Variants in TNFRSF10D observed in about 807,000 individuals in gnomAD.
The protein encoded by TNFRSF10D is TNF receptor superfamily member 10d, also known as tumor necrosis factor receptor superfamily member 10D.
In TNFRSF10D, 28 loss-of-function variants were observed where a neutral mutation model predicts 42.1. The ratio of observed to expected loss-of-function variants is 0.66; its 90% CI spans 0.49 to 0.91. The LOEUF (loss-of-function observed/expected upper bound fraction) is 0.91. Ranked by LOEUF, TNFRSF10D falls within the 40% of genes least tolerant of loss-of-function variation. TNFRSF10D has a pLI of 0.00. For synonymous variants in TNFRSF10D, 186 were observed against 189.4 expected, an observed-to-expected ratio of 0.98 and a Z score of 0.15; for missense variants, 503 against 486.1, an observed-to-expected ratio of 1.03 and a Z score of -0.33.
intron 7 of TNFRSF10D, among the ~76,000 whole-genome samples, chr8:23,139,287 T>C (rs1273469415): frequency 6.6e-6 from 1 of 152,154 alleles, no homozygotes; most frequent in African/African-American, 2.4e-5. Flanking sequence ...TGACACCAAA[T>C]GTTATCTCCT....
At chr8:23,142,807 T>C (rs888287992) in intron 7 of TNFRSF10D, among the ~76,000 whole-genome samples, 4 of 152,208 alleles carry the variant, frequency 2.6e-5, no homozygotes, top group Admixed American at 2.0e-4. Context: ...ATCCCTGTAA[T>C]GTAAACAAAA....
Position 23,163,813 on chromosome 8 carries a change from G to A in TNFRSF10D, c.123C>T (p.Val41=). The part of the protein sequence containing the change: ...WLLDPKILKF[V]VFIVAVLLPV... ...GCAGCAGAACCGCGACGATGAAGACGACGAACTTAAGGATCTTGGGGTCCA... is the reference window on the plus strand; with the variant it reads ...GCAGCAGAACCGCGACGATGAAGACAACGAACTTAAGGATCTTGGGGTCCA... The change falls in exon 1 of 9, where the codon GTC becomes GTT. Residue 41 remains valine (V), a synonymous_variant. Transcript: ENST00000312584. 1 of 1,609,584 alleles carries A rather than the reference G, an allele frequency of 6.2e-7. No homozygotes were observed. The highest frequency in any genetic ancestry group is 8.5e-7 in the Non-Finnish European group (1 of 1,178,614).
At chr8:23,150,326 C>A (rs978313934) in intron 2 of TNFRSF10D, among the ~76,000 whole-genome samples, 2 of 152,230 alleles carry the variant, frequency 1.3e-5, no homozygotes, top group African/African-American at 4.8e-5. Context: ...CAGGTCACCT[C>A]TCTGGATACT....
At position 23,163,942 on chromosome 8, in the gene TNFRSF10D, G is replaced by A; in HGVS notation, c.-7C>T. On this transcript the variant is annotated 5_prime_UTR_variant, in exon 1 of 9. Coordinates refer to ENST00000312584, the MANE Select transcript of TNFRSF10D (RefSeq NM_003840.5). ...TTTGTCCCCAAAGTCCCATGAGAAG[G>A]GAGGAGGGTGGATCGAAAGCGCCAA... 3 of 1,544,234 alleles carry A rather than the reference G, an allele frequency of 1.9e-6. No individual in the cohort carries two copies. The highest frequency in any genetic ancestry group is 1.4e-5 in the African/African-American group (1 of 69,058).
intron 7 of TNFRSF10D, among the ~76,000 whole-genome samples, chr8:23,140,181 G>A (rs1176104963): frequency 6.6e-6 from 1 of 152,056 alleles, no homozygotes; most frequent in Non-Finnish European, 1.5e-5. Flanking sequence ...CCCAGCTGCT[G>A]GGGAGGCTGA....
chr8:23,148,981 G>C (rs572807195), intron 2 of TNFRSF10D, among the ~76,000 whole-genome samples: 41 of 151,616 alleles, frequency 2.7e-4, no homozygotes, highest in East Asian at 1.4e-3. Context: ...ACGAGGTCAG[G>C]AGATCGAGAC....
rs1458290853 is a variant in TNFRSF10D, at chr8:23,163,803, C to T, written c.133G>A (p.Val45Ile). ...AGACTCACCGGCAGCAGAACCGCGA[C>T]GATGAAGACGACGAACTTAAGGATC... ...PKILKFVVFI[V>I]AVLLPVRVDS... is the part of the protein sequence containing the mutation. Residue 45 changes from valine to isoleucine, a missense_variant, in exon 1 of 9, where the codon GTC becomes ATC. Coordinates refer to ENST00000312584, the MANE Select transcript of TNFRSF10D (RefSeq NM_003840.5). 1.2e-6 allele frequency: 2 copies of T among 1,609,328 alleles called. No individual in the cohort carries two copies. The highest frequency in any genetic ancestry group is 1.7e-5 in the Admixed American group (1 of 59,408).
intron 2 of TNFRSF10D, among the ~76,000 whole-genome samples, chr8:23,149,622 G>A (rs189333755): frequency 4.4e-4 from 66 of 151,480 alleles, no homozygotes; most frequent in Non-Finnish European, 7.4e-4. Flanking sequence ...TGCCCATGCT[G>A]GTCCACCTGA....
chr8:23,146,025 A>T, intron 4 of TNFRSF10D, 104 bp from the exon 5 acceptor site: 1 of 1,514,340 alleles, frequency 6.6e-7, no homozygotes, highest in Non-Finnish European at 9.1e-7. Context: ...AGAAGGCGTC[A>T]GGAGGACAGG....
At chr8:23,151,632 T>C (rs1359507824) in intron 2 of TNFRSF10D, among the ~76,000 whole-genome samples, 5 of 152,154 alleles carry the variant, frequency 3.3e-5, no homozygotes, top group Admixed American at 3.3e-4. Context: ...TAAAAAGACG[T>C]AAATAATGAC....
chr8:23,159,657 T>C (rs1179933826), intron 1 of TNFRSF10D, among the ~76,000 whole-genome samples: 2 of 152,168 alleles, frequency 1.3e-5, no homozygotes, highest in Non-Finnish European at 2.9e-5. Context: ...TGAGCTCGAC[T>C]TCGAGACCAG....
At chr8:23,143,268 G>C (rs777188523) in intron 7 of TNFRSF10D, among the ~76,000 whole-genome samples, 1 of 149,604 alleles carries the variant, frequency 6.7e-6, no homozygotes, top group Non-Finnish European at 1.5e-5. Flanking sequence ...GAGCCACGGC[G>C]CCCGGCCGAC....
chr8:23,149,617 A>G (rs997520127), intron 2 of TNFRSF10D, among the ~76,000 whole-genome samples: 2 of 151,528 alleles, frequency 1.3e-5, no homozygotes, highest in African/African-American at 4.9e-5. Flanking sequence ...TGATCTGCCC[A>G]TGCTGGTCCA....
intron 1 of TNFRSF10D, among the ~76,000 whole-genome samples, chr8:23,161,866 G>A (rs533488048): frequency 6.6e-5 from 10 of 152,156 alleles, no homozygotes; most frequent in East Asian, 5.8e-4. Context: ...TTTATCCCAC[G>A]GAAGTAGAAG....
In TNFRSF10D at chr8:23,144,635, C is replaced by A; in HGVS notation, c.769G>T (p.Val257Phe). 1 of 1,612,450 alleles carries A rather than the reference C, an allele frequency of 6.2e-7. No individual in the cohort carries two copies. Among genetic ancestry groups the A allele is most frequent in the Non-Finnish European group, 8.5e-7 (1 of 1,178,952 alleles). Residue 257 changes from valine (V) to phenylalanine (F), a missense_variant and splice_region_variant, in exon 7 of 9, where the codon GTC becomes TTC. Transcript: ENST00000312584. The stretch of plus-strand genomic sequence containing the variant: ...GGACATGAACGCCGCCGGAAAAGGA[C>A]CTTGGGAAGACAAAGAGCCCACTCA... ...GGGGPERVHR[V>F]LFRRRSCPSR...
intron 2 of TNFRSF10D, among the ~76,000 whole-genome samples, chr8:23,149,206 A>AC (rs1206409899): frequency 7.0e-6 from 1 of 142,906 alleles, no homozygotes; most frequent in Non-Finnish European, 1.5e-5. Flanking sequence ...AAAAAAAAAA[A>AC]AGAAAAGAAA....
chr8:23,139,085 T>C (rs1814398114), intron 7 of TNFRSF10D, among the ~76,000 whole-genome samples: 1 of 152,138 alleles, frequency 6.6e-6, no homozygotes, highest in South Asian at 2.1e-4. Flanking sequence ...ACCCCTAAGA[T>C]GAAACTACAA....
intron 7 of TNFRSF10D, among the ~76,000 whole-genome samples, chr8:23,139,994 A>C (rs2128835404): frequency 6.6e-6 from 1 of 152,268 alleles, no homozygotes; most frequent in Middle Eastern, 3.4e-3. Flanking sequence ...AGAATACAAA[A>C]ATTAACGGGG....
chr8:23,159,379 C>A (rs938818208), intron 1 of TNFRSF10D, among the ~76,000 whole-genome samples: 1 of 152,078 alleles, frequency 6.6e-6, no homozygotes, highest in Non-Finnish European at 1.5e-5. Context: ...AAACATAGGA[C>A]GATCTCCTTA....
Sources: gnomAD v4.1 joint callset for allele counts (sites outside exome capture counted in the v4.1 genomes callset) on GRCh38, gnomAD v4.1.1 for gene constraint, MANE v1.5 for transcripts, NCBI Gene and HGNC (gene_info 2026-07-23, HGNC 2026-07-21) for gene names.